The following SNRK variants were observed in gnomAD, a reference collection of about 807,000 sequenced individuals.
SNRK encodes SNF related kinase, also known as SNF-related serine/threonine-protein kinase.
A neutral mutation model predicts 48.2 loss-of-function variants in SNRK; 3 were observed. That is an observed-to-expected ratio of 0.06 (90% CI 0.03 to 0.16). The LOEUF (loss-of-function observed/expected upper bound fraction) is 0.16. Ranked by LOEUF, SNRK falls within the 10% of genes least tolerant of loss-of-function variation. The pLI, the probability that SNRK is intolerant of heterozygous loss-of-function variation, is 1.00. For synonymous variants in SNRK, 376 were observed against 366.1 expected (o/e 1.03, Z -0.31); for missense variants, 627 against 976.0 (o/e 0.64, Z 4.76).
chr3:43,317,807 A>C (rs1411590865), intron 3 of SNRK, among the ~76,000 whole-genome samples: 1 of 152,158 alleles, frequency 6.6e-6, no homozygotes, highest in Non-Finnish European at 1.5e-5. Flanking sequence ...GTAGGGCCCC[A>C]GCACTGCCTG....
At chr3:43,315,966 T>C (rs934269864) in intron 3 of SNRK, among the ~76,000 whole-genome samples, 2 of 152,174 alleles carry the variant, frequency 1.3e-5, no homozygotes, top group African/African-American at 4.8e-5. Context: ...CACACGCCTA[T>C]AAGAAACAAA....
At chr3:43,340,204 A>G (rs2091224841) in intron 4 of SNRK, 83 bp from the exon 5 acceptor site, 2 of 1,095,676 alleles carry the variant, frequency 1.8e-6, no homozygotes, top group African/African-American at 3.1e-5. Flanking sequence ...GGTATAGGAA[A>G]TCATTTTTGT....
intron 4 of SNRK, among the ~76,000 whole-genome samples, chr3:43,337,480 GTGCAATCATGGCTCACTACAGCCT>G (rs2091200539): frequency 6.6e-6 from 1 of 151,812 alleles, no homozygotes; most frequent in Admixed American, 6.6e-5. Flanking sequence ...GAATGCCTCA[GTGCAATCATGGCTCACTACAGCCT>G]TGACCTCTCA....
At chr3:43,302,812 A>C (rs574813246) in intron 2 of SNRK, among the ~76,000 whole-genome samples, 1 of 152,274 alleles carries the variant, frequency 6.6e-6, no homozygotes, top group South Asian at 2.1e-4. Flanking sequence ...AAACATGCTT[A>C]TCAAACTTGC....
At chr3:43,332,782 CACCTT>C (rs1415594136) in intron 4 of SNRK, 11 of 152,432 alleles carry the variant, frequency 7.2e-5, no homozygotes, top group African/African-American at 2.4e-4. Context: ...TTTCTTCACA[CACCTT>C]CTGCTAATTG....
intron 3 of SNRK, among the ~76,000 whole-genome samples, chr3:43,304,924 C>G (rs1444850950): frequency 6.6e-6 from 1 of 152,060 alleles, no homozygotes; most frequent in Admixed American, 6.5e-5. Flanking sequence ...ATTAGAATAT[C>G]TGAGCGGAGA....
intron 3 of SNRK, among the ~76,000 whole-genome samples, chr3:43,309,471 T>C (rs2090962545): frequency 6.6e-6 from 1 of 152,188 alleles, no homozygotes; most frequent in South Asian, 2.1e-4. Context: ...TCTTGTCTTA[T>C]TTTAAGAAAT....
chr3:43,339,186 C>T (rs1232287216), intron 4 of SNRK, among the ~76,000 whole-genome samples: 1 of 152,158 alleles, frequency 6.6e-6, no homozygotes, highest in African/African-American at 2.4e-5. Flanking sequence ...TTCTGTGTAC[C>T]ACACAGATAT....
At chr3:43,343,164 A>T in intron 5 of SNRK, 180 bp from the exon 6 acceptor site, 2 of 693,228 alleles carry the variant, frequency 2.9e-6, no homozygotes, top group Non-Finnish European at 2.2e-6. Context: ...AGTTGTTTTT[A>T]GAACTTTGAG....
chr3:43,305,780 C>T (rs1367573451), intron 3 of SNRK, among the ~76,000 whole-genome samples: 2 of 152,146 alleles, frequency 1.3e-5, no homozygotes, highest in East Asian at 3.8e-4. Context: ...CCACCGCACC[C>T]AGCCAACATT....
chr3:43,307,855 G>T (rs945167013), intron 3 of SNRK, among the ~76,000 whole-genome samples: 17 of 152,270 alleles, frequency 1.1e-4, no homozygotes, highest in Non-Finnish European at 2.1e-4. Context: ...TAAGCTTATC[G>T]AGCAAGACAT....
At chr3:43,292,822 C>T (rs1265647487) in intron 1 of SNRK, among the ~76,000 whole-genome samples, 1 of 152,190 alleles carries the variant, frequency 6.6e-6, no homozygotes, top group African/African-American at 2.4e-5. Flanking sequence ...CCTAGGCTCA[C>T]TTGTGTAATT....
chr3:43,305,360 T>C (rs1254639615), intron 3 of SNRK, among the ~76,000 whole-genome samples: 2 of 152,174 alleles, frequency 1.3e-5, no homozygotes, highest in African/African-American at 4.8e-5. Flanking sequence ...ATTCGTTCAG[T>C]ATTCATATTC....
At chr3:43,293,949 T>A (rs1188479820) in intron 1 of SNRK, among the ~76,000 whole-genome samples, 2 of 152,112 alleles carry the variant, frequency 1.3e-5, no homozygotes. Context: ...AATTACATGC[T>A]GTGAAGTTTG....
At chr3:43,321,681 T>G (rs1042647821) in intron 3 of SNRK, among the ~76,000 whole-genome samples, 2 of 152,168 alleles carry the variant, frequency 1.3e-5, no homozygotes, top group African/African-American at 4.8e-5. Context: ...AATCATGAAA[T>G]CATCATCAAA....
intron 1 of SNRK, among the ~76,000 whole-genome samples, chr3:43,291,306 C>T (rs1296703120): frequency 4.6e-5 from 7 of 152,166 alleles, no homozygotes; most frequent in African/African-American, 1.4e-4. Context: ...CTGTGGCATT[C>T]TCCAAGGCAG....
In SNRK at chr3:43,303,317, G is replaced by A. The variant is rs780778461; in HGVS notation, c.114G>A (p.Thr38=). Residue 38 remains threonine, a synonymous_variant, in exon 3 of 7, where the codon ACG becomes ACA. Coordinates refer to ENST00000296088, the MANE Select transcript of SNRK (RefSeq NM_017719.5). This position sits in a 1 kb window ranked among gnomAD's most constrained non-coding sequence, Gnocchi z 6.2. ...AVVKLARHVF[T]GEKVAVKVID... Reference sequence around the variant, plus strand: ...TTAAACTTGCCAGGCATGTCTTTACGGGTGAAAAGGTGGCAGTAAAAGTTA... The same window carrying A: ...TTAAACTTGCCAGGCATGTCTTTACAGGTGAAAAGGTGGCAGTAAAAGTTA... 3.2e-5 allele frequency: 51 copies of A among 1,614,126 alleles called. No individual in the cohort carries two copies. Among genetic ancestry groups the A allele is most frequent in the East Asian group, 4.5e-5 (2 of 44,888 alleles).
intron 3 of SNRK, among the ~76,000 whole-genome samples, chr3:43,322,045 A>G (rs977688965): frequency 6.6e-6 from 1 of 152,252 alleles, no homozygotes; most frequent in South Asian, 2.1e-4. Context: ...TTGAATATAC[A>G]TATCAGTGTC....
rs139791577 is a variant in SNRK at position 43,331,203 on chromosome 3, T to C, written c.590-966T>C. ...ATTCGTTTCTTATTATGTGAATGTT[T>C]ATATTATCATGCCTGTTCTTTAGTT... On this transcript the variant is annotated intron_variant, in intron 3 of 6. Transcript: ENST00000296088. Among the ~76,000 whole-genome samples, 1,326 of 152,356 alleles carry C rather than the reference T, an allele frequency of 8.7e-3. 77 individuals are homozygous for C. Among genetic ancestry groups the C allele is most frequent in the Admixed American group, 0.082 (1,251 of 15,302 alleles).
Sources: gnomAD v4.1 joint callset for allele counts (sites outside exome capture counted in the v4.1 genomes callset) on GRCh38, gnomAD v4.1.1 for gene constraint, Gnocchi (gnomAD v3.1) non-coding constraint, MANE v1.5 for transcripts, NCBI Gene and HGNC (gene_info 2026-07-23, HGNC 2026-07-21) for gene names.